Variants in TYW1B observed in about 807,000 individuals in gnomAD.
TYW1B encodes the protein S-adenosyl-L-methionine-dependent tRNA 4-demethylwyosine synthase TYW1B.
In TYW1B, 73 loss-of-function variants were observed where a neutral mutation model predicts 86.9. That is an observed-to-expected ratio of 0.84 (90% CI 0.70 to 1.02). The LOEUF is 1.02. Ranked by LOEUF, TYW1B falls within the 50% of genes least tolerant of loss-of-function variation. The pLI is 0.00. For missense variants in TYW1B, 637 were observed against 827.4 expected (o/e 0.77, Z 2.82); for synonymous variants, 248 against 292.8 (o/e 0.85, Z 1.56).
intron 11 of TYW1B, among the ~76,000 whole-genome samples, chr7:72,638,296 C>T (rs1232432553): frequency 3.3e-5 from 5 of 152,040 alleles, no homozygotes; most frequent in African/African-American, 1.2e-4. Flanking sequence ...AAACCATTTG[C>T]CATTTGTATG....
At chr7:72,643,257 G>C (rs1165276004) in intron 11 of TYW1B, among the ~76,000 whole-genome samples, 1 of 152,072 alleles carries the variant, frequency 6.6e-6, no homozygotes, top group Non-Finnish European at 1.5e-5. Context: ...AAAATTACTT[G>C]TAAAAAAATT....
chr7:72,662,416 AAT>A (rs1218605719), intron 11 of TYW1B, among the ~76,000 whole-genome samples: 11 of 137,846 alleles, frequency 8.0e-5, no homozygotes, highest in Non-Finnish European at 1.3e-4. Context: ...TCAGGTTTTT[AAT>A]ATATATATAT....
At chr7:72,648,825 A>G (rs1213913575) in intron 11 of TYW1B, among the ~76,000 whole-genome samples, 27 of 152,172 alleles carry the variant, frequency 1.8e-4, no homozygotes, top group Admixed American at 1.2e-3. Context: ...AGAAGAGATG[A>G]GTGCAAGAAA....
chr7:72,610,304 A>G (rs1199345526), intron 13 of TYW1B, among the ~76,000 whole-genome samples: 1 of 152,220 alleles, frequency 6.6e-6, no homozygotes, highest in Non-Finnish European at 1.5e-5. Flanking sequence ...TCTGGACTCC[A>G]TAATTCGATA....
At chr7:72,707,608 G>A (rs535861508) in intron 10 of TYW1B, among the ~76,000 whole-genome samples, 1 of 152,120 alleles carries the variant, frequency 6.6e-6, no homozygotes, top group Admixed American at 6.6e-5. Context: ...ACAAACAAAA[G>A]CATAAAGCTA....
At chr7:72,755,006 A>G (rs1053220672) in intron 7 of TYW1B, among the ~76,000 whole-genome samples, 2 of 152,206 alleles carry the variant, frequency 1.3e-5, no homozygotes, top group Non-Finnish European at 2.9e-5. Flanking sequence ...ACTGAGTCTG[A>G]TATTACTGAA....
chr7:72,810,803 A>C, intron 3 of TYW1B, 138 bp from the exon 4 acceptor site: 1 of 1,242,748 alleles, frequency 8.0e-7, no homozygotes, highest in Non-Finnish European at 1.1e-6. Flanking sequence ...TCGAAAGTGA[A>C]GGGCCTGACT....
intron 8 of TYW1B, among the ~76,000 whole-genome samples, chr7:72,743,669 C>G (rs1395097704): frequency 1.3e-5 from 2 of 151,794 alleles, no homozygotes; most frequent in East Asian, 3.9e-4. Context: ...CATGGTGAAA[C>G]CCCATCTCTA....
At chr7:72,765,876 G>T (rs1460496446) in intron 7 of TYW1B, among the ~76,000 whole-genome samples, 1 of 152,064 alleles carries the variant, frequency 6.6e-6, no homozygotes, top group Non-Finnish European at 1.5e-5. Flanking sequence ...CTACAAACCG[G>T]AAGAAAAAGT....
intron 10 of TYW1B, among the ~76,000 whole-genome samples, chr7:72,699,009 C>A (rs1428881696): frequency 6.6e-6 from 1 of 152,144 alleles, no homozygotes; most frequent in Admixed American, 6.6e-5. Context: ...AGAGGCTCAG[C>A]CCTTAATATT....
At chr7:72,718,292 G>A (rs1225957736) in intron 9 of TYW1B, among the ~76,000 whole-genome samples, 5 of 152,016 alleles carry the variant, frequency 3.3e-5, no homozygotes, top group Non-Finnish European at 7.4e-5. Flanking sequence ...ACCTAAAGAT[G>A]GAAATAATAG....
intron 10 of TYW1B, among the ~76,000 whole-genome samples, chr7:72,696,223 C>T (rs1230571143): frequency 2.6e-5 from 4 of 152,112 alleles, no homozygotes; most frequent in Non-Finnish European, 5.9e-5. Context: ...GCTGGGATTA[C>T]AGGCGTGAGC....
At chr7:72,667,469 C>T (rs1554445524) in intron 11 of TYW1B, among the ~76,000 whole-genome samples, 1 of 152,166 alleles carries the variant, frequency 6.6e-6, no homozygotes, top group African/African-American at 2.4e-5. Context: ...AATCTCAGCA[C>T]TTTGGGAGGC....
rs574869173 is a variant in TYW1B, at chr7:72,713,930, G to A, written c.1193-132C>T. On this transcript the variant is annotated intron_variant, in intron 9 of 13. Coordinates refer to ENST00000620995, the MANE Select transcript of TYW1B (RefSeq NM_001145440.3). ...CAAAGAATACAAAACAAAGGCTAAA[G>A]GGCAGGGCAGGACTAGAATTATTAA... is the stretch of plus-strand genomic sequence containing the variant. 3.6e-5 allele frequency: 20 copies of A among 558,638 alleles called. 1 individual carries two copies. In the South Asian group the frequency reaches 5.0e-4, roughly 14 times the overall value. The allele number at this position is 558,638 out of a possible 1,614,324, so 34.6% of individuals were successfully genotyped here.
chr7:72,764,440 G>A (rs1374886010), intron 7 of TYW1B, among the ~76,000 whole-genome samples: 5 of 151,944 alleles, frequency 3.3e-5, no homozygotes, highest in African/African-American at 9.7e-5. Flanking sequence ...CCGCCACCAC[G>A]CCCAGCTAAT....
intron 2 of TYW1B, among the ~76,000 whole-genome samples, chr7:72,818,578 C>CTA (rs1788769111): frequency 2.6e-5 from 1 of 38,432 alleles, no homozygotes; most frequent in African/African-American, 9.6e-5. Context: ...GACTCCATCT[C>CTA]AAAAAAAAAA....
chr7:72,583,397 C>T (rs1554429901), intron 13 of TYW1B, among the ~76,000 whole-genome samples: 1 of 151,850 alleles, frequency 6.6e-6, no homozygotes, highest in East Asian at 1.9e-4. Flanking sequence ...GGTGCAGGGG[C>T]GAGCAGCAAT....
chr7:72,703,126 G>A (rs1249501545), intron 10 of TYW1B, among the ~76,000 whole-genome samples: 10 of 148,862 alleles, frequency 6.7e-5, no homozygotes, highest in African/African-American at 1.7e-4. Context: ...CCGGGTTCCC[G>A]CCATACTCCT....
intron 11 of TYW1B, among the ~76,000 whole-genome samples, chr7:72,681,529 A>C (rs1183944735): frequency 1.3e-5 from 2 of 152,052 alleles, no homozygotes; most frequent in Non-Finnish European, 2.9e-5. Flanking sequence ...CTATTTGTTA[A>C]ATCCATATTA....
Sources: gnomAD v4.1 joint callset for allele counts (sites outside exome capture counted in the v4.1 genomes callset) on GRCh38, gnomAD v4.1.1 for gene constraint, MANE v1.5 for transcripts, NCBI Gene and HGNC (gene_info 2026-07-23, HGNC 2026-07-21) for gene names.